Variants in PARD6G observed in about 807,000 individuals in gnomAD.
The protein encoded by PARD6G is par-6 family cell polarity regulator gamma.
In PARD6G, 7 loss-of-function variants were observed where a neutral mutation model predicts 10.7. The observed-to-expected ratio is 0.66, with a 90% CI of 0.37 to 1.23. The LOEUF is 1.23. PARD6G is among the 50% of genes most tolerant of loss of function. The probability of loss-of-function intolerance (pLI) is 0.02; values close to 1 mark genes in which losing one functional copy is unlikely to be tolerated. For synonymous variants in PARD6G, 287 were observed against 269.4 expected, an observed-to-expected ratio of 1.07 and a Z score of -0.64; for missense variants, 548 against 571.8, an observed-to-expected ratio of 0.96 and a Z score of 0.42.
intron 1 of PARD6G, among the ~76,000 whole-genome samples, chr18:80,209,135 A>C (rs1228153355): frequency 2.0e-5 from 3 of 151,938 alleles, no homozygotes; most frequent in Admixed American, 6.6e-5. Flanking sequence ...AAAAAAAAAA[A>C]ACACACCTTT....
At chr18:80,205,540 G>C (rs1209345797) in intron 1 of PARD6G, among the ~76,000 whole-genome samples, 1 of 152,190 alleles carries the variant, frequency 6.6e-6, no homozygotes, top group Admixed American at 6.5e-5. Context: ...TCCAGGTGCT[G>C]TTCTTGTGAT....
chr18:80,197,416 A>T (rs1459443082), intron 2 of PARD6G: 2 of 152,246 alleles, frequency 1.3e-5, no homozygotes, highest in East Asian at 3.8e-4. Context: ...CTGATAAATC[A>T]AATAGTTTAC....
Position 80,238,060 on chromosome 18 carries a change from C to T in PARD6G, c.72+9217G>A, listed in dbSNP as rs550852151. Among the ~76,000 whole-genome samples the T allele has an allele frequency of 1.4e-3, 207 of 152,248 alleles. 2 individuals carry two copies. Among genetic ancestry groups the T allele is most frequent in the Non-Finnish European group, 2.0e-3 (135 of 68,024 alleles). On this transcript the variant is annotated intron_variant, in intron 1 of 2. Transcript: ENST00000353265. Reference sequence around the variant, plus strand: ...GACACATGCACACGTATGTTTACTGCGGCACTGTTCACAATAGCAAAGACT... The same window carrying T: ...GACACATGCACACGTATGTTTACTGTGGCACTGTTCACAATAGCAAAGACT...
chr18:80,196,679 C>T (rs1395893936), intron 2 of PARD6G, among the ~76,000 whole-genome samples: 1 of 152,184 alleles, frequency 6.6e-6, no homozygotes, highest in Non-Finnish European at 1.5e-5. Flanking sequence ...CGGCTGCTCA[C>T]AGCGCCTGCA....
chr18:80,163,193 CCTT>C (rs760448171), intron 2 of PARD6G, among the ~76,000 whole-genome samples: 2 of 152,184 alleles, frequency 1.3e-5, no homozygotes, highest in Admixed American at 6.5e-5. Context: ...ACATGCTCCT[CCTT>C]GAGGACAGGC....
At chr18:80,223,950 G>C (rs1393728992) in intron 1 of PARD6G, among the ~76,000 whole-genome samples, 1 of 152,196 alleles carries the variant, frequency 6.6e-6, no homozygotes, top group East Asian at 1.9e-4. Context: ...CCAGCTGGCA[G>C]GGCTGGCTTT....
At position 80,160,490 on chromosome 18, in the gene PARD6G, G is replaced by T; in HGVS notation, c.412C>A (p.Arg138Ser). The change falls in exon 3 of 3, where the codon CGC becomes AGC. Residue 138 changes from arginine to serine, a missense_variant. Coordinates refer to ENST00000353265, the MANE Select transcript of PARD6G (RefSeq NM_032510.4). Reference sequence around the variant, plus strand: ...ATGGATGATACGGGGCGGAAGTCGCGCGGGAGGCCGATGTCCAGGTGTGCA... The same window carrying T: ...ATGGATGATACGGGGCGGAAGTCGCTCGGGAGGCCGATGTCCAGGTGTGCA... Reference protein sequence around the residue: ...RRAHLDIGLPRDFRPVSSIID... With the variant: ...RRAHLDIGLPSDFRPVSSIID... 6.5e-7 allele frequency: 1 copy of T among 1,547,248 alleles called. No individual in the cohort carries two copies. The highest frequency in any genetic ancestry group is 1.9e-5 in the Admixed American group (1 of 53,100).
chr18:80,169,065 G>A (rs976135867), intron 2 of PARD6G: 3 of 169,294 alleles, frequency 1.8e-5, no homozygotes, highest in Non-Finnish European at 2.9e-5. Context: ...CTGCACTCTG[G>A]GGAAGGGAGA....
intron 2 of PARD6G, among the ~76,000 whole-genome samples, chr18:80,186,577 ACCC>A (rs544824993): frequency 1.3e-5 from 2 of 149,000 alleles, no homozygotes; most frequent in Admixed American, 1.3e-4. Flanking sequence ...GCCCTTGCAC[ACCC>A]CCCCAAAGGA....
chr18:80,246,594 C>A lies in PARD6G; in HGVS notation c.72+683G>T, dbSNP rs1967550932. 8.3e-6 allele frequency among the ~76,000 whole-genome samples: 1 copy of A among 119,770 alleles called. No individual in the cohort carries two copies. The highest frequency in any genetic ancestry group is 8.2e-5 in the Admixed American group (1 of 12,220). The allele number at this position is 119,770 out of a possible 152,430, so 78.6% of individuals were successfully genotyped here. On this transcript the variant is annotated intron_variant, in intron 1 of 2. Transcript: ENST00000353265. This position sits in a 1 kb window ranked among gnomAD's most constrained non-coding sequence, Gnocchi z 6.7. The stretch of plus-strand genomic sequence containing the variant: ...GGCTGGGTCTGGGGCGGGGGCGCGT[C>A]CGGAGGTGGGGGAGTCTGGGGTGGG...
At position 80,192,508 on chromosome 18, in the gene PARD6G, G is replaced by A. The variant is rs1369553575; in HGVS notation, c.295+10202C>T. The stretch of plus-strand genomic sequence containing the variant: ...TGCCACGGCGGGAGCCCAGGGGACG[G>A]GGGAGAGCAGGTGCCACGGCGGGAG... On this transcript the variant is annotated intron_variant, in intron 2 of 2. Coordinates refer to ENST00000353265, the MANE Select transcript of PARD6G (RefSeq NM_032510.4). The surrounding 1 kb of genome is among the most constrained non-coding windows in gnomAD (Gnocchi z 4.9). Among the ~76,000 whole-genome samples the A allele has an allele frequency of 1.4e-5, 2 of 147,606 alleles. No homozygotes were observed. The highest frequency in any genetic ancestry group is 2.6e-5 in the African/African-American group (1 of 39,182).
In PARD6G at chr18:80,229,308, A is replaced by G. The variant is rs551011035; in HGVS notation, c.72+17969T>C. Among the ~76,000 whole-genome samples the G allele has an allele frequency of 7.2e-5, 11 of 152,356 alleles. No homozygotes were observed. The South Asian group carries it at 8.3e-4, about 11-fold the overall frequency. ...CAATATAGTAAATTTAAAAACACAC[A>G]CACAAAAACACAACACCGAATCTGC... On this transcript the variant is annotated intron_variant, in intron 1 of 2. Coordinates refer to ENST00000353265, the MANE Select transcript of PARD6G (RefSeq NM_032510.4).
intron 2 of PARD6G, chr18:80,169,727 G>C (rs941959979): frequency 6.6e-6 from 1 of 152,206 alleles, no homozygotes; most frequent in Non-Finnish European, 1.5e-5. Context: ...CTCGGTTTTA[G>C]GTCACCATGG....
chr18:80,160,167 G>T lies in PARD6G; in HGVS notation c.735C>A (p.Val245=), dbSNP rs199830646. ...TGCGCTGGTTGGCGGGCTTGACGGT[G>T]ACGATGAGGTTGTGGCTGTTGGCGA... ...MMIANSHNLI[V]TVKPANQRNN... The change falls in exon 3 of 3, where the codon GTC becomes GTA. Residue 245 remains valine, a synonymous_variant. Coordinates refer to ENST00000353265, the MANE Select transcript of PARD6G (RefSeq NM_032510.4). 406 of 1,613,360 alleles carry T rather than the reference G, an allele frequency of 2.5e-4. No individual in the cohort carries two copies. Among genetic ancestry groups the T allele is most frequent in the Non-Finnish European group, 3.3e-4 (393 of 1,179,814 alleles).
chr18:80,173,311 C>G (rs1354485559), intron 2 of PARD6G, among the ~76,000 whole-genome samples: 1 of 152,030 alleles, frequency 6.6e-6, no homozygotes, highest in Non-Finnish European at 1.5e-5. Flanking sequence ...CAGCTGGATA[C>G]CAACCCAACC....
intron 2 of PARD6G, among the ~76,000 whole-genome samples, chr18:80,177,421 G>A (rs191249049): frequency 7.2e-5 from 10 of 138,764 alleles, no homozygotes; most frequent in African/African-American, 2.2e-4. Flanking sequence ...ACACATACAC[G>A]CAAACACGCA....
rs1056735183 is a variant in PARD6G, at chr18:80,184,979, G to C, written c.295+17731C>G. On this transcript the variant is annotated intron_variant, in intron 2 of 2. Transcript: ENST00000353265. This position sits in a 1 kb window ranked among gnomAD's most constrained non-coding sequence, Gnocchi z 4.5. Reference sequence around the variant, plus strand: ...ATAAGGTGGCTCCTTCCAGCTTTGCGGGAACCTAACTGCTAGTCCCATGAA... The same window carrying C: ...ATAAGGTGGCTCCTTCCAGCTTTGCCGGAACCTAACTGCTAGTCCCATGAA... 2 of 152,114 alleles carry C rather than the reference G, an allele frequency of 1.3e-5. No homozygotes were observed. The highest frequency in any genetic ancestry group is 2.9e-5 in the Non-Finnish European group (2 of 68,032). 9.4% of individuals were successfully genotyped at this position (152,114 alleles called of 1,614,324 possible).
intron 1 of PARD6G, among the ~76,000 whole-genome samples, chr18:80,220,739 T>C (rs1264016570): frequency 6.6e-6 from 1 of 152,082 alleles, no homozygotes; most frequent in Non-Finnish European, 1.5e-5. Context: ...GCCTCCCAAG[T>C]AGCTGGCATT....
intron 2 of PARD6G, among the ~76,000 whole-genome samples, chr18:80,195,572 T>TATATATATATATACAC (rs894731117): frequency 2.1e-4 from 18 of 87,342 alleles, no homozygotes; most frequent in African/African-American, 1.1e-3. Context: ...TATATATATA[T>TATATATATATATACAC]ACACACATTT....
Sources: allele counts gnomAD v4.1 joint callset (sites outside exome capture counted in the v4.1 genomes callset), GRCh38; gene constraint gnomAD v4.1.1; non-coding constraint Gnocchi (gnomAD v3.1); transcripts MANE v1.5; gene names NCBI Gene and HGNC (gene_info 2026-07-23, HGNC 2026-07-21).